Variants in GABRA3 observed in about 807,000 individuals in gnomAD.
The protein encoded by GABRA3 is gamma-aminobutyric acid type A receptor subunit alpha3, also known as gamma-aminobutyric acid receptor subunit alpha-3.
Under a neutral mutation model 30.1 loss-of-function variants are expected in GABRA3, and 10 were observed. The ratio of observed to expected loss-of-function variants is 0.33; its 90% CI spans 0.20 to 0.56. GABRA3 has a LOEUF of 0.56. Ranked by LOEUF, GABRA3 falls within the 20% of genes least tolerant of loss-of-function variation. GABRA3 has a pLI of 0.89. For missense variants in GABRA3, 233 were observed against 392.0 expected, an observed-to-expected ratio of 0.59 and a Z score of 3.42; for synonymous variants, 151 against 146.8, an observed-to-expected ratio of 1.03 and a Z score of -0.21.
At chrX:152,174,127 T>G (rs1379601069) in intron 9 of GABRA3, among the ~76,000 whole-genome samples, 1 of 110,916 alleles carries the variant, frequency 9.0e-6, no homozygotes, top group African/African-American at 3.3e-5. Flanking sequence ...AACTCATCCT[T>G]TTTTATGGCT....
intron 3 of GABRA3, among the ~76,000 whole-genome samples, chrX:152,292,659 C>T (rs1379464800): frequency 8.9e-6 from 1 of 111,805 alleles, no homozygotes; most frequent in African/African-American, 3.3e-5. Context: ...GATTTTAGAT[C>T]TTTCCTGCTT....
intron 4 of GABRA3, among the ~76,000 whole-genome samples, chrX:152,282,728 A>T (rs937889098): frequency 8.9e-6 from 1 of 112,046 alleles, no homozygotes; most frequent in African/African-American, 3.2e-5. Context: ...CAGAGTGAGG[A>T]GCTGGTTGGA....
At chrX:152,392,346 A>G (rs777529150) in intron 1 of GABRA3, 1 of 371,867 alleles carries the variant, frequency 2.7e-6, no homozygotes, top group Admixed American at 2.6e-5. Context: ...AGGAGTAGAT[A>G]CTGAGGACGA....
At chrX:152,187,925 A>T (rs1411884508) in intron 9 of GABRA3, among the ~76,000 whole-genome samples, 5 of 112,355 alleles carry the variant, frequency 4.5e-5, no homozygotes, top group Non-Finnish European at 7.5e-5. Flanking sequence ...TCAGAAAAAG[A>T]GAATGTGACC....
At chrX:152,328,662 A>C (rs1244050349) in intron 3 of GABRA3, among the ~76,000 whole-genome samples, 1 of 111,971 alleles carries the variant, frequency 8.9e-6, no homozygotes, top group Non-Finnish European at 1.9e-5. Context: ...CTTCATGCTA[A>C]AAACTCCCAA....
At chrX:152,309,743 G>C (rs763097288) in intron 3 of GABRA3, among the ~76,000 whole-genome samples, 14 of 111,712 alleles carry the variant, frequency 1.3e-4, no homozygotes, top group Non-Finnish European at 2.3e-4. Flanking sequence ...ATAACAACCA[G>C]TTAACAACGT....
chrX:152,317,920 A>G (rs1939903057), intron 3 of GABRA3, among the ~76,000 whole-genome samples: 1 of 111,386 alleles, frequency 9.0e-6, no homozygotes, highest in Non-Finnish European at 1.9e-5. Context: ...CCAGAGAAAT[A>G]ACGGACCAAA....
intron 3 of GABRA3, among the ~76,000 whole-genome samples, chrX:152,305,429 A>G (rs1485802764): frequency 2.7e-5 from 3 of 111,224 alleles, no homozygotes; most frequent in Non-Finnish European, 5.7e-5. Flanking sequence ...GTAAAAAAAA[A>G]AAAAAATTAT....
intron 4 of GABRA3, among the ~76,000 whole-genome samples, chrX:152,279,802 A>G (rs1463889126): frequency 9.0e-6 from 1 of 111,232 alleles, no homozygotes; most frequent in Non-Finnish European, 1.9e-5. Flanking sequence ...AGTGGTTTGT[A>G]GTTCTCCTTG....
chrX:152,436,550 A>C (rs2124548767), intron 1 of GABRA3, among the ~76,000 whole-genome samples: 1 of 112,034 alleles, frequency 8.9e-6, no homozygotes, highest in African/African-American at 3.2e-5. Context: ...AGATCAAATA[A>C]ACAGAATAGA....
At chrX:152,193,078 G>C (rs1937343578) in intron 8 of GABRA3, among the ~76,000 whole-genome samples, 1 of 111,440 alleles carries the variant, frequency 9.0e-6, no homozygotes, top group Admixed American at 9.6e-5. Flanking sequence ...TCACAGTGTT[G>C]TTGTAACCTG....
At chrX:152,386,805 C>T (rs1430766192) in intron 1 of GABRA3, among the ~76,000 whole-genome samples, 1 of 110,053 alleles carries the variant, frequency 9.1e-6, no homozygotes, top group Non-Finnish European at 1.9e-5. Flanking sequence ...GGGTATATAC[C>T]CAAAGGACTA....
intron 9 of GABRA3, among the ~76,000 whole-genome samples, chrX:152,174,425 T>C (rs1245583979): frequency 8.9e-6 from 1 of 112,062 alleles, no homozygotes; most frequent in East Asian, 2.8e-4. Flanking sequence ...AAAGTGTTCC[T>C]ATTTCTCCAC....
intron 1 of GABRA3, among the ~76,000 whole-genome samples, chrX:152,386,377 T>C (rs893648727): frequency 1.8e-5 from 2 of 111,095 alleles, no homozygotes; most frequent in African/African-American, 6.6e-5. Context: ...AGTTCACTCA[T>C]GAATTTTCAC....
At chrX:152,272,186 A>G (rs1938954894) in intron 4 of GABRA3, among the ~76,000 whole-genome samples, 1 of 111,742 alleles carries the variant, frequency 8.9e-6, no homozygotes, top group South Asian at 3.8e-4. Flanking sequence ...GCACGTGGAA[A>G]AGCTGCAGGC....
chrX:152,354,930 A>G (rs1313393056), intron 2 of GABRA3, among the ~76,000 whole-genome samples: 1 of 112,016 alleles, frequency 8.9e-6, no homozygotes, highest in African/African-American at 3.2e-5. Context: ...TGTAAATGGA[A>G]GGGTTTGGAC....
chrX:152,179,372 T>G (rs1176094839), intron 9 of GABRA3, among the ~76,000 whole-genome samples: 1 of 111,180 alleles, frequency 9.0e-6, no homozygotes, highest in African/African-American at 3.3e-5. Context: ...AGTCACTTGT[T>G]GTACGATAGG....
chrX:152,421,098 TACACACAC>T lies in GABRA3; in HGVS notation c.-27+30040_-27+30047del, dbSNP rs60206606. On this transcript the variant is annotated intron_variant, in intron 1 of 9. Coordinates refer to ENST00000370314, the MANE Select transcript of GABRA3 (RefSeq NM_000808.4). ...CTAACACACTGATATTTACACATTA[TACACACAC>T]ACACACACACACACACACACACACA... Among the ~76,000 whole-genome samples the T allele has an allele frequency of 5.9e-3, 564 of 94,994 alleles. 7 individuals carry two copies. The highest frequency in any genetic ancestry group is 0.019 in the African/African-American group (515 of 26,523). The allele number at this position is 94,994 out of a possible 115,157, so 82.5% of individuals were successfully genotyped here. A position where few individuals can be genotyped will look rare whatever the true frequency, so the allele number is the denominator to read the frequency against.
intron 3 of GABRA3, among the ~76,000 whole-genome samples, chrX:152,326,266 T>A (rs5970275): frequency 0.037 from 4,092 of 111,446 alleles, 161 homozygotes; most frequent in African/African-American, 0.13. Context: ...TGGAACCAAG[T>A]TGGAAAACAC....
Sources: allele counts gnomAD v4.1 joint callset (sites outside exome capture counted in the v4.1 genomes callset), GRCh38; gene constraint gnomAD v4.1.1; transcripts MANE v1.5; gene names NCBI Gene and HGNC (gene_info 2026-07-23, HGNC 2026-07-21).